CFAP54: variants seen among roughly 807,000 people sequenced by gnomAD.
CFAP54 encodes the protein cilia- and flagella-associated protein 54.
A neutral mutation model predicts 370.4 loss-of-function variants in CFAP54; 290 were observed. The observed-to-expected ratio is 0.78, with a 90% confidence interval of 0.71 to 0.86. CFAP54 has a LOEUF of 0.86. Ranked by LOEUF, CFAP54 falls within the 40% of genes least tolerant of loss-of-function variation. The probability of loss-of-function intolerance (pLI) is 0.00; values close to 1 mark genes in which losing one functional copy is unlikely to be tolerated. For missense variants in CFAP54, 3,399 were observed against 3,528.7 expected (o/e 0.96, Z 0.93); for synonymous variants, 1,206 against 1,236.5 (o/e 0.98, Z 0.52).
chr12:96,721,073 C>CA (rs1322787578), intron 50 of CFAP54, among the ~76,000 whole-genome samples: 1 of 151,892 alleles, frequency 6.6e-6, no homozygotes, highest in Non-Finnish European at 1.5e-5. Context: ...TGAAGGCACA[C>CA]AGCTGGGTTG....
chr12:96,626,134 A>G (rs1381088696), intron 29 of CFAP54, among the ~76,000 whole-genome samples: 1 of 152,176 alleles, frequency 6.6e-6, no homozygotes, highest in Non-Finnish European at 1.5e-5. Context: ...CTGTAATCTC[A>G]GCACTTTGGG....
At chr12:96,506,699 G>A (rs1252948716) in intron 3 of CFAP54, among the ~76,000 whole-genome samples, 2 of 150,252 alleles carry the variant, frequency 1.3e-5, no homozygotes, top group Non-Finnish European at 3.0e-5. Context: ...CGATTCTCCT[G>A]CCTCAGCCTC....
At chr12:96,858,132 A>G (rs1959764599) in intron 66 of CFAP54, among the ~76,000 whole-genome samples, 1 of 152,224 alleles carries the variant, frequency 6.6e-6, no homozygotes. Flanking sequence ...CCAACAGTGT[A>G]TAATGTTCCC....
intron 26 of CFAP54, among the ~76,000 whole-genome samples, chr12:96,611,423 C>A (rs1424982861): frequency 6.6e-6 from 1 of 152,174 alleles, no homozygotes; most frequent in Non-Finnish European, 1.5e-5. Flanking sequence ...TACATAAAAC[C>A]ACAAAGATGG....
At chr12:96,706,840 C>T (rs1957552679) in intron 47 of CFAP54, among the ~76,000 whole-genome samples, 1 of 151,790 alleles carries the variant, frequency 6.6e-6, no homozygotes, top group Admixed American at 6.6e-5. Flanking sequence ...GCTGGAGATA[C>T]TGAGTTTAGA....
At chr12:96,608,114 GATA>G (rs1956319206) in intron 26 of CFAP54, among the ~76,000 whole-genome samples, 1 of 152,186 alleles carries the variant, frequency 6.6e-6, no homozygotes, top group African/African-American at 2.4e-5. Flanking sequence ...AAATTAATTA[GATA>G]ATAATGATGT....
intron 39 of CFAP54, among the ~76,000 whole-genome samples, chr12:96,676,834 T>A (rs551960200): frequency 6.6e-6 from 1 of 152,140 alleles, no homozygotes; most frequent in African/African-American, 2.4e-5. Flanking sequence ...GCTTGGTGTC[T>A]TTACAAAAGA....
At chr12:96,743,347 G>T in intron 52 of CFAP54, 55 bp from the exon 53 acceptor site, 1 of 1,578,774 alleles carries the variant, frequency 6.3e-7, no homozygotes, top group East Asian at 2.2e-5. Flanking sequence ...TATTACACAT[G>T]TATAACTTCT....
At chr12:96,526,381 C>A (rs909312207) in intron 8 of CFAP54, among the ~76,000 whole-genome samples, 3 of 152,234 alleles carry the variant, frequency 2.0e-5, no homozygotes, top group African/African-American at 7.2e-5. Flanking sequence ...TAGCATAAAG[C>A]TGATCAATTC....
At chr12:96,564,150 A>G (rs1484927778) in intron 17 of CFAP54, among the ~76,000 whole-genome samples, 1 of 152,188 alleles carries the variant, frequency 6.6e-6, no homozygotes, top group East Asian at 1.9e-4. Flanking sequence ...TGCCATCTGT[A>G]CTTCTGTGAA....
rs77289052 is a variant in CFAP54, at chr12:96,749,397, G to T, written c.7685-4346G>T. Reference sequence around the variant, plus strand: ...CTGCCTCTAATAACATCATGTGGGGGTTACATTTCAACATATGAATTTTAA... The same window carrying T: ...CTGCCTCTAATAACATCATGTGGGGTTTACATTTCAACATATGAATTTTAA... On this transcript the variant is annotated intron_variant, in intron 55 of 67. Transcript: ENST00000524981. Among the ~76,000 whole-genome samples the T allele has an allele frequency of 2.2e-4, 34 of 152,312 alleles. No individual in the cohort carries two copies. The East Asian group carries it at 4.0e-3, about 18-fold the overall frequency.
At chr12:96,650,171 A>T (rs1208758623) in intron 35 of CFAP54, 99 bp downstream of exon 35, 1 of 1,091,474 alleles carries the variant, frequency 9.2e-7, no homozygotes, top group Non-Finnish European at 1.3e-6. Flanking sequence ...TATTATACAT[A>T]ATTTTAGTTG....
intron 49 of CFAP54, among the ~76,000 whole-genome samples, chr12:96,718,803 C>T (rs1957715560): frequency 6.6e-6 from 1 of 152,150 alleles, no homozygotes; most frequent in Non-Finnish European, 1.5e-5. Context: ...CTTTGGGAGG[C>T]CGAGGTGGGC....
intron 3 of CFAP54, among the ~76,000 whole-genome samples, chr12:96,504,951 TTTTCTTTC>T (rs748953509): frequency 5.0e-4 from 72 of 142,578 alleles, no homozygotes; most frequent in Middle Eastern, 3.5e-3. Context: ...CTTTCTTTCT[TTTTCTTTC>T]TTTCTTTCTT....
chr12:96,556,288 T>C (rs1955750411), intron 17 of CFAP54, among the ~76,000 whole-genome samples: 1 of 150,636 alleles, frequency 6.6e-6, no homozygotes, highest in Non-Finnish European at 1.5e-5. Flanking sequence ...ATAAATAAAT[T>C]CTCATCATCA....
At chr12:96,549,315 T>C in intron 15 of CFAP54, among the ~76,000 whole-genome samples, 1 of 152,190 alleles carries the variant, frequency 6.6e-6, no homozygotes, top group East Asian at 1.9e-4. Flanking sequence ...TTAAAACCAC[T>C]ATATGAAATG....
chr12:96,713,695 G>A (rs764896187), intron 48 of CFAP54, among the ~76,000 whole-genome samples: 9 of 152,124 alleles, frequency 5.9e-5, no homozygotes, highest in Non-Finnish European at 1.2e-4. Context: ...GAGTGCAGGA[G>A]TGGGGTGTGA....
intron 5 of CFAP54, among the ~76,000 whole-genome samples, chr12:96,515,921 T>G (rs924284173): frequency 6.8e-6 from 1 of 147,286 alleles, no homozygotes; most frequent in Non-Finnish European, 1.5e-5. Flanking sequence ...TGTTTTTTTT[T>G]TTTTTTTTTT....
chr12:96,612,654 C>T (rs544213578), intron 26 of CFAP54, among the ~76,000 whole-genome samples: 1 of 152,066 alleles, frequency 6.6e-6, no homozygotes, highest in African/African-American at 2.4e-5. Flanking sequence ...ATCTCACATG[C>T]GGAGACCACA....
Sources: gnomAD v4.1 joint callset for allele counts (sites outside exome capture counted in the v4.1 genomes callset) on GRCh38, gnomAD v4.1.1 for gene constraint, MANE v1.5 for transcripts, NCBI Gene and HGNC (gene_info 2026-07-23, HGNC 2026-07-21) for gene names.